The following PARG variants were observed in gnomAD, a reference collection of about 807,000 sequenced individuals.
The protein encoded by PARG is poly(ADP-ribose) glycohydrolase.
In PARG, 35 loss-of-function variants were observed where a neutral mutation model predicts 113.0. The observed-to-expected ratio is 0.31, with a 90% CI of 0.24 to 0.41. The LOEUF (loss-of-function observed/expected upper bound fraction) is 0.41. Ranked by LOEUF, PARG falls within the 10% of genes least tolerant of loss-of-function variation. PARG has a pLI of 1.00. For synonymous variants in PARG, 330 were observed against 409.9 expected, an observed-to-expected ratio of 0.81 and a Z score of 2.36; for missense variants, 797 against 1,169.4, an observed-to-expected ratio of 0.68 and a Z score of 4.64.
intron 7 of PARG, among the ~76,000 whole-genome samples, chr10:49,890,074 C>T (rs192671230): frequency 3.7e-3 from 555 of 151,866 alleles, no homozygotes; most frequent in East Asian, 0.014. Flanking sequence ...TCAAATCTTC[C>T]ATAACAATTA....
intron 13 of PARG, among the ~76,000 whole-genome samples, chr10:49,854,706 A>G (rs1845907839): frequency 7.4e-6 from 1 of 134,680 alleles, no homozygotes; most frequent in Admixed American, 7.4e-5. Flanking sequence ...AGACTATTAG[A>G]CTTCATTGAG....
At chr10:49,930,751 AAT>A (rs1330742120) in intron 4 of PARG, among the ~76,000 whole-genome samples, 1 of 134,446 alleles carries the variant, frequency 7.4e-6, no homozygotes, top group Non-Finnish European at 1.6e-5. Flanking sequence ...TGAATTTCAA[AAT>A]AGTTAATCAC....
At chr10:49,920,532 A>G (rs1389294618) in intron 6 of PARG, among the ~76,000 whole-genome samples, 11 of 142,118 alleles carry the variant, frequency 7.7e-5, no homozygotes, top group African/African-American at 2.6e-4. Context: ...ATATACATGT[A>G]TATATATACA....
At chr10:49,833,639 T>C (rs1408063228) in intron 15 of PARG, among the ~76,000 whole-genome samples, 1 of 152,216 alleles carries the variant, frequency 6.6e-6, no homozygotes, top group Admixed American at 6.5e-5. Context: ...TCATTTTCTA[T>C]ATGAGAAGAC....
At chr10:49,892,941 T>C (rs191330631) in intron 7 of PARG, among the ~76,000 whole-genome samples, 276 of 152,354 alleles carry the variant, frequency 1.8e-3, no homozygotes, top group Middle Eastern at 6.8e-3. Context: ...AATTATTTTA[T>C]GGTATGAATA....
At chr10:49,873,468 C>T (rs1373750921) in intron 9 of PARG, among the ~76,000 whole-genome samples, 2 of 151,566 alleles carry the variant, frequency 1.3e-5, no homozygotes, top group Non-Finnish European at 2.9e-5. Context: ...TCATGACAGG[C>T]TTTGAGATAC....
intron 14 of PARG, among the ~76,000 whole-genome samples, chr10:49,843,323 T>C (rs1845336939): frequency 6.6e-6 from 1 of 152,364 alleles, no homozygotes; most frequent in African/African-American, 2.4e-5. Context: ...ATTCTGCCCC[T>C]CTTTGTCTTT....
At chr10:49,884,373 G>A (rs550492998) in intron 8 of PARG, among the ~76,000 whole-genome samples, 3 of 152,300 alleles carry the variant, frequency 2.0e-5, no homozygotes, top group South Asian at 4.1e-4. Context: ...GGGAGGCCAA[G>A]GCATCATCTG....
intron 10 of PARG, 22 bp from the exon 11 acceptor site, chr10:49,865,403 AACAT>A (rs1243150661): frequency 4.6e-6 from 3 of 654,232 alleles, no homozygotes; most frequent in African/African-American, 3.8e-5. Flanking sequence ...ATAAAAGAAA[AACAT>A]ACCCAAAATA....
chr10:49,920,248 C>A (rs370568203), intron 6 of PARG, among the ~76,000 whole-genome samples: 2 of 151,246 alleles, frequency 1.3e-5, no homozygotes, highest in Non-Finnish European at 2.9e-5. Flanking sequence ...GGAGACCAGC[C>A]TAGGGAACAC....
chr10:49,903,235 T>C (rs1848425903), intron 7 of PARG, among the ~76,000 whole-genome samples: 1 of 152,014 alleles, frequency 6.6e-6, no homozygotes. Flanking sequence ...GAGGTTGCGA[T>C]GCACTGCACT....
intron 6 of PARG, among the ~76,000 whole-genome samples, chr10:49,919,372 C>A (rs1554848548): frequency 6.6e-6 from 1 of 152,192 alleles, no homozygotes. Context: ...TCCTGGGCAG[C>A]CTGCTTCTAT....
chr10:49,912,299 CA>C (rs1837234310), intron 7 of PARG, among the ~76,000 whole-genome samples: 1 of 152,008 alleles, frequency 6.6e-6, no homozygotes, highest in Admixed American at 6.6e-5. Context: ...GATACTGTCT[CA>C]AAACAACAAA....
intron 6 of PARG, among the ~76,000 whole-genome samples, chr10:49,921,256 AGG>A: frequency 6.6e-6 from 1 of 152,224 alleles, no homozygotes; most frequent in African/African-American, 2.4e-5. Flanking sequence ...AGAACTAGTC[AGG>A]TGCTCCTCCC....
At chr10:49,895,717 T>C (rs1444917694) in intron 7 of PARG, among the ~76,000 whole-genome samples, 37 of 152,142 alleles carry the variant, frequency 2.4e-4, no homozygotes, top group African/African-American at 8.7e-4. Flanking sequence ...AGAACTGATA[T>C]CTTAACCACA....
At chr10:49,844,922 T>C (rs1420835558) in intron 13 of PARG, among the ~76,000 whole-genome samples, 1 of 151,924 alleles carries the variant, frequency 6.6e-6, no homozygotes, top group African/African-American at 2.4e-5. Context: ...ACAACCCAAT[T>C]TAGAAAAATG....
At chr10:49,920,585 C>CGT (rs1588992885) in intron 6 of PARG, among the ~76,000 whole-genome samples, 2 of 136,142 alleles carry the variant, frequency 1.5e-5, no homozygotes, top group African/African-American at 5.5e-5. Context: ...TATATATATA[C>CGT]ACATATATAC....
intron 6 of PARG, among the ~76,000 whole-genome samples, chr10:49,917,217 G>A (rs1193387915): frequency 2.0e-5 from 3 of 152,156 alleles, no homozygotes; most frequent in East Asian, 1.9e-4. Flanking sequence ...TAGGCTGGAC[G>A]CAGTGGCTCG....
chr10:49,886,614 C>T (rs2002273), intron 7 of PARG, among the ~76,000 whole-genome samples: 44,613 of 151,702 alleles, frequency 0.29, 6,687 homozygotes, highest in Non-Finnish European at 0.32. Context: ...CAAAAAGTTG[C>T]TTAAGAGAGG....
Sources: gnomAD v4.1 joint callset for allele counts (sites outside exome capture counted in the v4.1 genomes callset) on GRCh38, gnomAD v4.1.1 for gene constraint, MANE v1.5 for transcripts, NCBI Gene and HGNC (gene_info 2026-07-23, HGNC 2026-07-21) for gene names.